Variants in COL12A1 observed in about 807,000 individuals in gnomAD.
The protein encoded by COL12A1 is collagen type XII alpha 1 chain.
Under a neutral mutation model 349.7 loss-of-function variants are expected in COL12A1, and 114 were observed. The ratio of observed to expected loss-of-function variants is 0.33; its 90% CI spans 0.28 to 0.38. The LOEUF (loss-of-function observed/expected upper bound fraction) is 0.38. COL12A1 is among the 10% of genes least tolerant of loss of function. The pLI is 1.00. For missense variants in COL12A1, 3,284 were observed against 3,756.9 expected (o/e 0.87, Z 3.29); for synonymous variants, 1,369 against 1,329.0 (o/e 1.03, Z -0.66).
At chr6:75,129,955 G>T in intron 37 of COL12A1, 136 bp downstream of exon 37, 2 of 1,013,002 alleles carry the variant, frequency 2.0e-6, no homozygotes, top group Non-Finnish European at 2.8e-6. Flanking sequence ...TGGTCCCAAC[G>T]TCATGTCAGA....
intron 14 of COL12A1, among the ~76,000 whole-genome samples, chr6:75,158,862 A>T (rs555070829): frequency 4.0e-4 from 61 of 152,234 alleles, no homozygotes; most frequent in African/African-American, 1.3e-3. Context: ...TGAACAGAGC[A>T]TCAGTGAGCT....
At position 75,199,789 on chromosome 6, in the gene COL12A1, C is replaced by G. The variant is rs146452235; in HGVS notation, c.73+2931G>C. On this transcript the variant is annotated intron_variant, in intron 2 of 65. Coordinates refer to ENST00000322507, the MANE Select transcript of COL12A1 (RefSeq NM_004370.6). ...GAAAAAATCATTTCCACTCTTATTTCTATAGGACAAGATAACATAGTATGA... is the reference window on the plus strand; with the variant it reads ...GAAAAAATCATTTCCACTCTTATTTGTATAGGACAAGATAACATAGTATGA... 3.1e-3 allele frequency among the ~76,000 whole-genome samples: 473 copies of G among 152,142 alleles called. 9 individuals are homozygous for G. Among genetic ancestry groups the G allele is most frequent in the East Asian group, 0.028 (144 of 5,172 alleles).
chr6:75,187,317 G>A (rs960031178), intron 8 of COL12A1, among the ~76,000 whole-genome samples: 6 of 151,744 alleles, frequency 4.0e-5, no homozygotes, highest in African/African-American at 1.2e-4. Flanking sequence ...TCCAGCAGAA[G>A]AGAGAAGACA....
intron 14 of COL12A1, among the ~76,000 whole-genome samples, chr6:75,165,006 T>C (rs1269716196): frequency 2.6e-5 from 4 of 152,152 alleles, no homozygotes; most frequent in Non-Finnish European, 5.9e-5. Flanking sequence ...ATAGTTTCAA[T>C]AGCGATCAAT....
intron 64 of COL12A1, 43 bp downstream of exon 64, chr6:75,089,063 G>A (rs371038196): frequency 1.8e-5 from 24 of 1,369,968 alleles, no homozygotes; most frequent in African/African-American, 2.9e-5. Flanking sequence ...GTGCCCTCTC[G>A]GTATTTATAG....
intron 12 of COL12A1, 33 bp downstream of exon 12, chr6:75,177,630 G>A (rs940132969): frequency 6.2e-7 from 1 of 1,613,580 alleles, no homozygotes; most frequent in Admixed American, 1.7e-5. Flanking sequence ...TAAGAGTTTG[G>A]TTGTCACCAT....
intron 31 of COL12A1, 123 bp downstream of exon 31, chr6:75,137,314 C>T: frequency 2.3e-6 from 2 of 873,706 alleles, no homozygotes; most frequent in Non-Finnish European, 3.4e-6. Flanking sequence ...TTATTCCATC[C>T]AATGCGATAA....
At chr6:75,138,242 T>G in intron 30 of COL12A1, 78 bp downstream of exon 30, 1 of 1,373,252 alleles carries the variant, frequency 7.3e-7, no homozygotes, top group Non-Finnish European at 1.0e-6. Flanking sequence ...CTATTTATTA[T>G]GTATCTTATG....
Position 75,104,319 on chromosome 6 carries a change from C to T in COL12A1, c.8266-509G>A, listed in dbSNP as rs569625461. Reference sequence around the variant, plus strand: ...CATCTCAAAAACATCTAAGTCACATCCAGGACATAATTTCATGATTATAAA... The same window carrying T: ...CATCTCAAAAACATCTAAGTCACATTCAGGACATAATTTCATGATTATAAA... On this transcript the variant is annotated intron_variant, in intron 54 of 65. Transcript: ENST00000322507. Among the ~76,000 whole-genome samples the T allele has an allele frequency of 4.9e-4, 75 of 152,140 alleles. 2 individuals are homozygous for T. In the South Asian group the frequency reaches 0.012, roughly 24 times the overall value.
chr6:75,183,237 A>T lies in COL12A1; in HGVS notation c.1704T>A (p.Asp568Glu), dbSNP rs769925194. The change falls in exon 10 of 66, where the codon GAT becomes GAA. Residue 568 changes from aspartate to glutamate, a missense_variant. By Grantham distance (45) the Asp-to-Glu change is conservative (BLOSUM62 2). Around this residue, in one of 2 missense-constraint regions of COL12A1, gnomAD observed 2,601 missense variants for 2,824.8 expected, o/e 0.92. Coordinates refer to ENST00000322507, the MANE Select transcript of COL12A1 (RefSeq NM_004370.6). The stretch of plus-strand genomic sequence containing the variant: ...TCACACCAACTGCAAAGATTTCAAC[A>T]TCTGAATTCCTCAGTTTTATCGCAG... ...RDPAIKLRNS[D>E]VEIFAVGVKD... is the part of the protein sequence containing the mutation. The T allele has an allele frequency of 8.7e-6, 14 of 1,614,092 alleles. No homozygotes were observed. The African/African-American group carries it at 1.6e-4, about 18-fold the overall frequency.
rs1202190948 is a variant in COL12A1 at position 75,125,165 on chromosome 6, G to A, written c.6569C>T (p.Ser2190Phe). 1 of 1,612,232 alleles carries A rather than the reference G, an allele frequency of 6.2e-7. No homozygotes were observed. The highest frequency in any genetic ancestry group is 8.5e-7 in the Non-Finnish European group (1 of 1,179,000). The change falls in exon 40 of 66, where the codon TCT becomes TTT. Residue 2190 changes from serine to phenylalanine, a missense_variant. Ser to Phe is a radical substitution (Grantham distance 155, BLOSUM62 -2). Coordinates refer to ENST00000322507, the MANE Select transcript of COL12A1 (RefSeq NM_004370.6). ...YDVNVYAQYD[S>F]GLSVPLTDQG... ...ATCTGTCAAGGGGACACTGAGTCCA[G>A]AATCATATTGAGCATAAACATTCAC... is the stretch of plus-strand genomic sequence containing the variant.
chr6:75,136,909 G>GA (rs1766636473), intron 31 of COL12A1, among the ~76,000 whole-genome samples: 1 of 152,104 alleles, frequency 6.6e-6, no homozygotes, highest in Non-Finnish European at 1.5e-5. Flanking sequence ...CTTTCTTGGG[G>GA]ACCTCCATTT....
intron 17 of COL12A1, 55 bp from the exon 18 acceptor site, chr6:75,152,537 C>G: frequency 6.3e-7 from 1 of 1,594,490 alleles, no homozygotes; most frequent in East Asian, 2.2e-5. Context: ...GGCAAGGGTA[C>G]TTCCTTGTCA....
intron 60 of COL12A1, among the ~76,000 whole-genome samples, chr6:75,092,134 T>C (rs1383099523): frequency 6.6e-6 from 1 of 152,046 alleles, no homozygotes; most frequent in Non-Finnish European, 1.5e-5. Context: ...TCACTCATAA[T>C]TGGGAGTTGA....
intron 34 of COL12A1, 120 bp from the exon 35 acceptor site, chr6:75,132,202 T>C: frequency 1.3e-5 from 16 of 1,252,416 alleles, no homozygotes; most frequent in Non-Finnish European, 1.8e-5. Context: ...TTTATACTTC[T>C]AATTACCTAC....
Position 75,189,801 on chromosome 6 carries a change from C to T in COL12A1, c.409G>A (p.Ala137Thr), listed in dbSNP as rs1430608201. ...ACGAGGAAAACCAAATCAGTCCAGG[C>T]ACTGACAGAGCATTCTGAAATACAT... ...KTEIQKCSVS[A>T]WTDLVFLVDG... The change falls in exon 6 of 66, where the codon GCC becomes ACC. Residue 137 changes from alanine (A) to threonine (T), a missense_variant. Transcript: ENST00000322507. 1 of 1,612,436 alleles carries T rather than the reference C, an allele frequency of 6.2e-7. No individual in the cohort carries two copies. Among genetic ancestry groups the T allele is most frequent in the South Asian group, 1.1e-5 (1 of 90,978 alleles).
chr6:75,148,586 C>T, intron 21 of COL12A1, 89 bp from the exon 22 acceptor site: 2 of 1,157,530 alleles, frequency 1.7e-6, no homozygotes, highest in Admixed American at 4.1e-5. Context: ...TATTATGCTC[C>T]ATATTCTAAG....
At chr6:75,188,113 T>C (rs531694371) in intron 8 of COL12A1, among the ~76,000 whole-genome samples, 3 of 152,104 alleles carry the variant, frequency 2.0e-5, no homozygotes, top group Non-Finnish European at 4.4e-5. Context: ...GAGTAAATCA[T>C]AACTTGTCCC....
At chr6:75,189,925 A>G (rs774091537) in intron 5 of COL12A1, 110 bp from the exon 6 acceptor site, 18 of 1,165,918 alleles carry the variant, frequency 1.5e-5, no homozygotes, top group Middle Eastern at 2.0e-4. Flanking sequence ...TCATTAGAAC[A>G]TATTCACCAA....
Sources: allele counts gnomAD v4.1 joint callset (sites outside exome capture counted in the v4.1 genomes callset), GRCh38; gene constraint gnomAD v4.1.1; regional missense constraint gnomAD v4.1.1; transcripts MANE v1.5; gene names NCBI Gene and HGNC (gene_info 2026-07-23, HGNC 2026-07-21).